The following INPP5A variants were observed in gnomAD, a reference collection of about 807,000 sequenced individuals.
INPP5A encodes inositol polyphosphate-5-phosphatase A.
A neutral mutation model predicts 65.2 loss-of-function variants in INPP5A; 14 were observed. That is an observed-to-expected ratio of 0.21 (90% CI 0.14 to 0.34). The LOEUF is 0.34. INPP5A is among the 10% of genes least tolerant of loss of function. The pLI, the probability that INPP5A is intolerant of heterozygous loss-of-function variation, is 1.00. For missense variants in INPP5A, 431 were observed against 545.6 expected, an observed-to-expected ratio of 0.79 and a Z score of 2.09; for synonymous variants, 207 against 208.3, an observed-to-expected ratio of 0.99 and a Z score of 0.05.
At chr10:132,572,905 G>A (rs72854980) in intron 1 of INPP5A, among the ~76,000 whole-genome samples, 1,641 of 152,158 alleles carry the variant, frequency 0.011, 17 homozygotes, top group Middle Eastern at 0.024. Flanking sequence ...ACATCAGCTC[G>A]GTTTATTTCA....
At chr10:132,708,413 T>C in intron 7 of INPP5A, 48 bp downstream of exon 7, 1 of 1,567,520 alleles carries the variant, frequency 6.4e-7, no homozygotes, top group Non-Finnish European at 8.8e-7. Flanking sequence ...TTCTTACCCT[T>C]TTATATCTTG....
At chr10:132,711,634 G>C (rs116501682) in intron 8 of INPP5A, among the ~76,000 whole-genome samples, 2,121 of 152,338 alleles carry the variant, frequency 0.014, 47 homozygotes, top group African/African-American at 0.047. Context: ...GCGTGCGAGG[G>C]CCTGGAGCTG....
intron 4 of INPP5A, among the ~76,000 whole-genome samples, chr10:132,670,028 A>G (rs1419716868): frequency 1.4e-5 from 2 of 139,534 alleles, no homozygotes; most frequent in Non-Finnish European, 3.1e-5. Context: ...CTGACCCCAC[A>G]CCCCCAGCCC....
chr10:132,667,805 GGAT>G (rs1348476249), intron 4 of INPP5A, among the ~76,000 whole-genome samples: 1 of 152,214 alleles, frequency 6.6e-6, no homozygotes, highest in Admixed American at 6.5e-5. Context: ...GCCGGAAGAG[GGAT>G]GATATTTCTC....
intron 11 of INPP5A, among the ~76,000 whole-genome samples, chr10:132,750,669 C>T (rs111277349): frequency 3.3e-5 from 5 of 152,372 alleles, no homozygotes; most frequent in African/African-American, 7.2e-5. Flanking sequence ...CGGCCTCGGC[C>T]GATTTCTGTA....
rs2072468546 is a variant in INPP5A, at chr10:132,644,569, T to TGCCG, written c.118-1298_118-1295dup. Among the ~76,000 whole-genome samples, 1 of 152,184 alleles carries TGCCG rather than the reference T, an allele frequency of 6.6e-6. No individual in the cohort carries two copies. Among genetic ancestry groups the TGCCG allele is most frequent in the Non-Finnish European group, 1.5e-5 (1 of 68,026 alleles). ...ACAGCTCCACCTGGCTCACAGTGAG[T>TGCCG]GCCGTGTCGTCGTGAGCACCTCCAG... is the stretch of plus-strand genomic sequence containing the variant. On this transcript the variant is annotated intron_variant, in intron 2 of 15. Coordinates refer to ENST00000368594, the MANE Select transcript of INPP5A (RefSeq NM_005539.5). The surrounding 1 kb of genome is among the most constrained non-coding windows in gnomAD (Gnocchi z 6.5).
Position 132,726,816 on chromosome 10 carries a change from T to A in INPP5A, c.648-5T>A, listed in dbSNP as rs1220234631. On this transcript the variant is annotated splice_polypyrimidine_tract_variant and splice_region_variant and intron_variant, in intron 8 of 15. Transcript: ENST00000368594. The stretch of plus-strand genomic sequence containing the variant: ...CTCGGTAACAAGTCCTCTTTTTCTT[T>A]CCAGAATCATTGATCAGCGATTCGA... The A allele has an allele frequency of 2.5e-6, 4 of 1,596,056 alleles. No homozygotes were observed. Among genetic ancestry groups the A allele is most frequent in the Non-Finnish European group, 3.4e-6 (4 of 1,167,544 alleles).
intron 11 of INPP5A, among the ~76,000 whole-genome samples, chr10:132,764,117 C>T (rs1033904762): frequency 3.9e-5 from 6 of 152,268 alleles, no homozygotes; most frequent in African/African-American, 1.2e-4. Context: ...GGGCTGTGAA[C>T]GCCTGTGCTC....
At chr10:132,660,854 G>C (rs1046362907) in intron 4 of INPP5A, among the ~76,000 whole-genome samples, 1 of 152,210 alleles carries the variant, frequency 6.6e-6, no homozygotes, top group Non-Finnish European at 1.5e-5. Flanking sequence ...AATTCTTATT[G>C]AAGTAAATGC....
intron 11 of INPP5A, among the ~76,000 whole-genome samples, chr10:132,758,116 C>T (rs533248997): frequency 2.4e-4 from 31 of 127,862 alleles, no homozygotes; most frequent in African/African-American, 7.3e-4. Context: ...CGTGGGTCCC[C>T]GGCCGACCCC....
At position 132,757,304 on chromosome 10, in the gene INPP5A, G is replaced by A. The variant is rs944835105; in HGVS notation, c.903+7459G>A. Among the ~76,000 whole-genome samples the A allele has an allele frequency of 5.3e-5, 8 of 152,344 alleles. No individual in the cohort carries two copies. In the East Asian group the frequency reaches 5.8e-4, roughly 11 times the overall value. ...CCGCTCACCAGCTCACCCCGAGCCC[G>A]TCCCAGCCCTGCCAGCTCCCTTCGC... is the stretch of plus-strand genomic sequence containing the variant. On this transcript the variant is annotated intron_variant, in intron 11 of 15. Transcript: ENST00000368594.
rs562607662 is a variant in INPP5A at position 132,554,496 on chromosome 10, T to C, written c.75+16325T>C. On this transcript the variant is annotated intron_variant, in intron 1 of 15. Transcript: ENST00000368594. ...AGGCTACTGAGAGGCGGGAAATAGG[T>C]GCTGAGCCTGCCTGGGAAGCTGCGT... 2.6e-5 allele frequency among the ~76,000 whole-genome samples: 4 copies of C among 152,170 alleles called. No homozygotes were observed. In the East Asian group the frequency reaches 7.7e-4, roughly 29 times the overall value.
chr10:132,558,072 G>A (rs1206672139), intron 1 of INPP5A, among the ~76,000 whole-genome samples: 1 of 152,192 alleles, frequency 6.6e-6, no homozygotes, highest in Non-Finnish European at 1.5e-5. Context: ...CCTAAACATG[G>A]CCACCGTGTC....
intron 1 of INPP5A, among the ~76,000 whole-genome samples, chr10:132,606,101 G>GGTGTTTAGGGT (rs1290908783): frequency 1.3e-5 from 2 of 152,184 alleles, no homozygotes; most frequent in Admixed American, 6.5e-5. Flanking sequence ...TTGTGCGTTT[G>GGTGTTTAGGGT]GTGTTTAGGG....
intron 4 of INPP5A, 25 bp from the exon 5 acceptor site, chr10:132,690,366 AT>A: frequency 6.8e-7 from 1 of 1,478,848 alleles, no homozygotes. Context: ...CCAGTCTCTC[AT>A]TTGATTTCTC....
chr10:132,557,557 C>A (rs909732813), intron 1 of INPP5A, among the ~76,000 whole-genome samples: 19 of 152,228 alleles, frequency 1.2e-4, no homozygotes, highest in Non-Finnish European at 7.3e-5. Flanking sequence ...ATTTTTTCTT[C>A]TTGCCTCTTT....
intron 4 of INPP5A, among the ~76,000 whole-genome samples, chr10:132,687,755 G>A (rs1236361109): frequency 6.6e-6 from 1 of 152,206 alleles, no homozygotes; most frequent in Non-Finnish European, 1.5e-5. Flanking sequence ...ATGCAAGCGA[G>A]CACTCGCACC....
chr10:132,584,574 A>G (rs1488142099), intron 1 of INPP5A, among the ~76,000 whole-genome samples: 2 of 152,102 alleles, frequency 1.3e-5, no homozygotes, highest in Admixed American at 6.6e-5. Flanking sequence ...ACATATTCTC[A>G]TATTATTCTT....
At chr10:132,680,314 A>G (rs1335078161) in intron 4 of INPP5A, among the ~76,000 whole-genome samples, 1 of 152,244 alleles carries the variant, frequency 6.6e-6, no homozygotes, top group African/African-American at 2.4e-5. Context: ...CTTCCCTCCA[A>G]GGACGGCGTG....
Sources: allele counts gnomAD v4.1 joint callset (sites outside exome capture counted in the v4.1 genomes callset), GRCh38; gene constraint gnomAD v4.1.1; non-coding constraint Gnocchi (gnomAD v3.1); transcripts MANE v1.5; gene names NCBI Gene and HGNC (gene_info 2026-07-23, HGNC 2026-07-21).